The following PDLIM3 variants were observed in gnomAD, a reference collection of about 807,000 sequenced individuals.
PDLIM3 encodes the protein PDZ and LIM domain protein 3.
Under a neutral mutation model 37.3 loss-of-function variants are expected in PDLIM3, and 36 were observed. The ratio of observed to expected loss-of-function variants is 0.97; its 90% confidence interval spans 0.74 to 1.28. PDLIM3 has a LOEUF of 1.28. Among genes scored for constraint, PDLIM3 ranks in the 50% most tolerant of loss-of-function variants. The pLI is 0.00. For missense variants in PDLIM3, 454 were observed against 485.0 expected (o/e 0.94, Z 0.60); for synonymous variants, 174 against 182.4 (o/e 0.95, Z 0.37).
rs1217106486 is a variant in PDLIM3, at chr4:185,514,636, TGAAAA to T, written c.331-304_331-300del. On this transcript the variant is annotated intron_variant, in intron 3 of 7. Transcript: ENST00000284767. The surrounding 1 kb of genome is among the most constrained non-coding windows in gnomAD (Gnocchi z 4.0). ...AATAAAACAGCAAGAGCTGGACTTT[TGAAAA>T]GAAAAGAAACCATGCTATCACTGTT... 1.4e-6 allele frequency: 2 copies of T among 1,438,000 alleles called. No individual in the cohort carries two copies. Among genetic ancestry groups the T allele is most frequent in the Non-Finnish European group, 1.9e-6 (2 of 1,076,102 alleles). The allele number at this position is 1,438,000 out of a possible 1,614,324, so 89.1% of individuals were successfully genotyped here.
chr4:185,510,724 ATATG>A (rs2095705202), intron 4 of PDLIM3, among the ~76,000 whole-genome samples: 1 of 152,216 alleles, frequency 6.6e-6, no homozygotes, highest in Non-Finnish European at 1.5e-5. Context: ...CAGTATATGC[ATATG>A]TGTGTACTAT....
chr4:185,504,515 G>C lies in PDLIM3; in HGVS notation c.865C>G (p.Gln289Glu), dbSNP rs768037463. 2 of 1,614,144 alleles carry C rather than the reference G, an allele frequency of 1.2e-6. No homozygotes were observed. Among genetic ancestry groups the C allele is most frequent in the Non-Finnish European group, 1.7e-6 (2 of 1,180,020 alleles). Reference sequence around the variant, plus strand: ...CATTTGTCACAGAGCGGCATCCTCTGTGCCCCGCCTGAACCGCCATGGACT... The same window carrying C: ...CATTTGTCACAGAGCGGCATCCTCTCTGCCCCGCCTGAACCGCCATGGACT... Reference protein sequence around the residue: ...TKVHGGSGGAQRMPLCDKCGS... With the variant: ...TKVHGGSGGAERMPLCDKCGS... The change falls in exon 7 of 8, where the codon CAG (glutamine) becomes GAG (glutamate). Residue 289 changes from glutamine to glutamate, a missense_variant. Physicochemically the swap from Gln to Glu is conservative, Grantham distance 29. Coordinates refer to ENST00000284767, the MANE Select transcript of PDLIM3 (RefSeq NM_014476.6). This position sits in a 1 kb window ranked among gnomAD's most constrained non-coding sequence, Gnocchi z 4.7.
At chr4:185,518,124 G>A (rs1429146752) in intron 3 of PDLIM3, among the ~76,000 whole-genome samples, 1 of 152,048 alleles carries the variant, frequency 6.6e-6, no homozygotes, top group African/African-American at 2.4e-5. Context: ...TTCCCTTAAT[G>A]GATACATTTA....
chr4:185,516,486 A>C (rs899683731), intron 3 of PDLIM3: 1 of 152,202 alleles, frequency 6.6e-6, no homozygotes, highest in African/African-American at 2.4e-5. Context: ...AAGAAGAAAA[A>C]GGAGGAGGAA....
In PDLIM3 at chr4:185,510,201, A is replaced by G. The variant is rs146833228; in HGVS notation, c.399-1639T>C. Among the ~76,000 whole-genome samples, 319 of 152,292 alleles carry G rather than the reference A, an allele frequency of 2.1e-3. 1 individual carries two copies. Among genetic ancestry groups the G allele is most frequent in the African/African-American group, 7.5e-3 (310 of 41,552 alleles). ...GATCATGTGGATTTAACCTGAGTGT[A>G]ATGAAGCTTATGAAATCAGTTTAGG... On this transcript the variant is annotated intron_variant, in intron 4 of 7. Transcript: ENST00000284767.
At chr4:185,513,741 C>G in intron 4 of PDLIM3, 1 of 1,021,004 alleles carries the variant, frequency 9.8e-7, no homozygotes, top group Non-Finnish European at 1.2e-6. Context: ...TTTGGCAATA[C>G]AGGGCATTAT....
chr4:185,508,235 A>T (rs532917993), intron 5 of PDLIM3, 64 bp downstream of exon 5: 1 of 1,461,796 alleles, frequency 6.8e-7, no homozygotes, highest in East Asian at 2.3e-5. Flanking sequence ...AAAAGACACC[A>T]GTAAAGCTGA....
intron 7 of PDLIM3, among the ~76,000 whole-genome samples, chr4:185,502,812 A>C (rs1361070242): frequency 1.3e-5 from 2 of 152,228 alleles, no homozygotes; most frequent in Admixed American, 1.3e-4. Context: ...TGATGGAGAC[A>C]AGACCAACCC....
intron 2 of PDLIM3, among the ~76,000 whole-genome samples, chr4:185,523,671 T>G (rs1278986394): frequency 6.8e-6 from 1 of 147,398 alleles, no homozygotes; most frequent in East Asian, 2.1e-4. Context: ...CAGGCTGGAG[T>G]GCAGTGGCAA....
intron 6 of PDLIM3, among the ~76,000 whole-genome samples, chr4:185,506,265 C>G (rs2095696914): frequency 6.6e-6 from 1 of 152,114 alleles, no homozygotes; most frequent in Admixed American, 6.5e-5. Context: ...GCTGAGCTAG[C>G]CCTTGACTAC....
rs774470984 is a variant in PDLIM3, at chr4:185,502,425, C to T, written c.964G>A (p.Asp322Asn). 38 of 1,614,070 alleles carry T rather than the reference C, an allele frequency of 2.4e-5. No homozygotes were observed. The highest frequency in any genetic ancestry group is 1.6e-4 in the Middle Eastern group (1 of 6,084). The change falls in exon 8 of 8, where the codon GAC becomes AAC. Residue 322 changes from aspartate (D) to asparagine (N), a missense_variant. By Grantham distance (23) the Asp-to-Asn change is conservative. Coordinates refer to ENST00000284767, the MANE Select transcript of PDLIM3 (RefSeq NM_014476.6). ...TTTTGCTTGAGGTTGAGGTTGCAGT[C>T]GGCACACACGAAGCACTCAGGGTGC... is the stretch of plus-strand genomic sequence containing the variant. ...YRHPECFVCA[D>N]CNLNLKQKGY...
Position 185,514,564 on chromosome 4 carries a change from T to C in PDLIM3, c.331-227A>G, listed in dbSNP as rs952496847. The C allele has an allele frequency of 8.2e-7, 1 of 1,220,832 alleles. No homozygotes were observed. The highest frequency in any genetic ancestry group is 1.1e-6 in the Non-Finnish European group (1 of 879,568). 75.6% of individuals were successfully genotyped at this position (1,220,832 alleles called of 1,614,324 possible). ...CACAACAATTAGAACATGTTTTAGA[T>C]GCTTGTCTTTAAAAGAGAAATCTGA... On this transcript the variant is annotated intron_variant, in intron 3 of 7. Coordinates refer to ENST00000284767, the MANE Select transcript of PDLIM3 (RefSeq NM_014476.6). This position sits in a 1 kb window ranked among gnomAD's most constrained non-coding sequence, Gnocchi z 4.0.
rs189419469 is a variant in PDLIM3, at chr4:185,513,917, C to T, written c.398+353G>A. ...CTCCTAACCGGGGCTGGTTTCCATG[C>T]TCGCTCCTGCTGGCAGGGCTTTCCT... On this transcript the variant is annotated intron_variant, in intron 4 of 7. Coordinates refer to ENST00000284767, the MANE Select transcript of PDLIM3 (RefSeq NM_014476.6). 65 of 1,194,732 alleles carry T rather than the reference C, an allele frequency of 5.4e-5. No individual in the cohort carries two copies. The East Asian group carries it at 3.3e-3, about 61-fold the overall frequency. 74.0% of individuals were successfully genotyped at this position (1,194,732 alleles called of 1,614,324 possible).
At chr4:185,512,208 A>G (rs1449606967) in intron 4 of PDLIM3, 2 of 144,406 alleles carry the variant, frequency 1.4e-5, no homozygotes, top group African/African-American at 2.6e-5. Flanking sequence ...CAGCCTCCCC[A>G]GTAGCTGGGA....
At chr4:185,502,617 A>G (rs1434234850) in intron 7 of PDLIM3, 134 bp from the exon 8 acceptor site, 2 of 794,308 alleles carry the variant, frequency 2.5e-6, no homozygotes, top group African/African-American at 3.4e-5. Flanking sequence ...CTGTGAAAGC[A>G]GGCACAGCCG....
chr4:185,532,390 C>T (rs2095746140), intron 1 of PDLIM3, among the ~76,000 whole-genome samples: 1 of 152,106 alleles, frequency 6.6e-6, no homozygotes, highest in African/African-American at 2.4e-5. Flanking sequence ...ACAGGCATGA[C>T]ATAAGGAGGG....
At chr4:185,524,170 G>A (rs1475013830) in intron 2 of PDLIM3, among the ~76,000 whole-genome samples, 1 of 152,072 alleles carries the variant, frequency 6.6e-6, no homozygotes, top group African/African-American at 2.4e-5. Context: ...TGGCATCAAG[G>A]AAATGTGCTT....
chr4:185,528,571 AGAG>A (rs944608884), intron 1 of PDLIM3, among the ~76,000 whole-genome samples: 41 of 152,252 alleles, frequency 2.7e-4, no homozygotes, highest in African/African-American at 8.9e-4. Flanking sequence ...TCTGGCTTTC[AGAG>A]GAGAAGAGGT....
rs2153335401 is a variant in PDLIM3 at position 185,514,141 on chromosome 4, T to G, written c.398+129A>C. The G allele has an allele frequency of 6.4e-7, 1 of 1,568,036 alleles. No homozygotes were observed. On this transcript the variant is annotated intron_variant, in intron 4 of 7. Coordinates refer to ENST00000284767, the MANE Select transcript of PDLIM3 (RefSeq NM_014476.6). The surrounding 1 kb of genome is among the most constrained non-coding windows in gnomAD (Gnocchi z 4.0). ...CTCTGCCAAGTGAGTTTGTTTCTTT[T>G]TGCTTTTGAAATAAGCTTCGCAATG...
Sources: gnomAD v4.1 joint callset for allele counts (sites outside exome capture counted in the v4.1 genomes callset) on GRCh38, gnomAD v4.1.1 for gene constraint, Gnocchi (gnomAD v3.1) non-coding constraint, MANE v1.5 for transcripts, NCBI Gene and HGNC (gene_info 2026-07-23, HGNC 2026-07-21) for gene names.